The following FRMD5 variants were observed in gnomAD, a reference collection of about 807,000 sequenced individuals.
The protein encoded by FRMD5 is FERM domain-containing protein 5.
Under a neutral mutation model 69.0 loss-of-function variants are expected in FRMD5, and 20 were observed. The ratio of observed to expected loss-of-function variants is 0.29; its 90% CI spans 0.20 to 0.42. FRMD5 has a LOEUF of 0.42. Ranked by LOEUF, FRMD5 falls within the 10% of genes least tolerant of loss-of-function variation. FRMD5 has a pLI of 1.00. For synonymous variants in FRMD5, 271 were observed against 260.1 expected (o/e 1.04, Z -0.40); for missense variants, 595 against 708.6 (o/e 0.84, Z 1.82).
At chr15:43,951,291 G>T (rs771658177) in intron 1 of FRMD5, among the ~76,000 whole-genome samples, 1 of 151,872 alleles carries the variant, frequency 6.6e-6, no homozygotes, top group South Asian at 2.1e-4. Flanking sequence ...GCATGGTGGC[G>T]GGCACCTGTA....
intron 1 of FRMD5, among the ~76,000 whole-genome samples, chr15:43,953,798 T>A (rs1482802532): frequency 6.6e-6 from 1 of 152,250 alleles, no homozygotes; most frequent in African/African-American, 2.4e-5. Context: ...GTTAAGACTC[T>A]AGTAATAAAA....
chr15:43,980,627 G>C (rs2090533686), intron 1 of FRMD5, among the ~76,000 whole-genome samples: 1 of 152,110 alleles, frequency 6.6e-6, no homozygotes, highest in East Asian at 1.9e-4. Context: ...TCAATTGAAA[G>C]ATATGAAACT....
chr15:44,134,550 G>C (rs2077153672), intron 1 of FRMD5, among the ~76,000 whole-genome samples: 1 of 152,154 alleles, frequency 6.6e-6, no homozygotes, highest in South Asian at 2.1e-4. Flanking sequence ...CCAGGCTCAA[G>C]AGATTCTCCT....
chr15:44,029,646 G>A (rs1891592784), intron 1 of FRMD5, among the ~76,000 whole-genome samples: 1 of 152,150 alleles, frequency 6.6e-6, no homozygotes, highest in Admixed American at 6.5e-5. Flanking sequence ...AAAACACAAG[G>A]CTATATAGGA....
At chr15:43,921,492 G>T in intron 2 of FRMD5, among the ~76,000 whole-genome samples, 1 of 152,186 alleles carries the variant, frequency 6.6e-6, no homozygotes, top group East Asian at 1.9e-4. Context: ...ATAGTAGCAA[G>T]GGGTGAGAAG....
intron 13 of FRMD5, chr15:43,875,814 T>G (rs893304444): frequency 3.0e-5 from 11 of 372,056 alleles, no homozygotes; most frequent in Middle Eastern, 6.4e-4. Flanking sequence ...GTTTTTTTTT[T>G]TTTTTTTTTT....
chr15:43,989,289 T>C (rs949693381), intron 1 of FRMD5: 3 of 785,298 alleles, frequency 3.8e-6, no homozygotes, highest in Non-Finnish European at 4.7e-6. Flanking sequence ...TGCCGCCAGA[T>C]AGCACTGTGT....
At chr15:44,186,366 T>C (rs1405766282) in intron 1 of FRMD5, among the ~76,000 whole-genome samples, 1 of 152,184 alleles carries the variant, frequency 6.6e-6, no homozygotes, top group African/African-American at 2.4e-5. Context: ...ATCCTCAAAA[T>C]TAGACTGAGG....
chr15:44,085,701 C>T lies in FRMD5; in HGVS notation c.102+109252G>A, dbSNP rs182065948. Among the ~76,000 whole-genome samples, 150 of 152,248 alleles carry T rather than the reference C, an allele frequency of 9.9e-4. 1 individual carries two copies. Among genetic ancestry groups the T allele is most frequent in the African/African-American group, 2.7e-3 (114 of 41,526 alleles). ...TTAATTTTGCATTTTAGAAAAATTA[C>T]TCTACCAGCAGTATGGCTAATGAAT... On this transcript the variant is annotated intron_variant, in intron 1 of 13. Transcript: ENST00000417257.
intron 1 of FRMD5, among the ~76,000 whole-genome samples, chr15:44,177,505 C>A (rs984514419): frequency 3.3e-5 from 5 of 151,970 alleles, no homozygotes; most frequent in Non-Finnish European, 7.4e-5. Context: ...CTAGAATAGG[C>A]AAATCTGGAG....
At chr15:43,971,680 T>C (rs944989899) in intron 1 of FRMD5, among the ~76,000 whole-genome samples, 2 of 151,836 alleles carry the variant, frequency 1.3e-5, no homozygotes, top group African/African-American at 2.4e-5. Context: ...TGACATTATA[T>C]GCATAATTTT....
chr15:43,977,703 A>G (rs545761502), intron 1 of FRMD5, among the ~76,000 whole-genome samples: 1 of 152,330 alleles, frequency 6.6e-6, no homozygotes, highest in African/African-American at 2.4e-5. Context: ...GGCGTTCTGC[A>G]ATTTTTCTGT....
At chr15:43,952,219 C>T (rs940605724) in intron 1 of FRMD5, among the ~76,000 whole-genome samples, 7 of 152,228 alleles carry the variant, frequency 4.6e-5, no homozygotes, top group African/African-American at 1.7e-4. Context: ...CCCACATAAG[C>T]AAATGCTGCA....
At chr15:44,163,733 G>C (rs2077660647) in intron 1 of FRMD5, among the ~76,000 whole-genome samples, 1 of 152,184 alleles carries the variant, frequency 6.6e-6, no homozygotes, top group Non-Finnish European at 1.5e-5. Flanking sequence ...GGAATAAAGT[G>C]AACGTCTAAT....
chr15:44,124,792 G>C (rs1371664285), intron 1 of FRMD5, among the ~76,000 whole-genome samples: 1 of 152,122 alleles, frequency 6.6e-6, no homozygotes, highest in African/African-American at 2.4e-5. Flanking sequence ...CCCTCAGAAA[G>C]AGAACGGTTA....
At chr15:44,157,275 T>A (rs975132846) in intron 1 of FRMD5, among the ~76,000 whole-genome samples, 13 of 152,200 alleles carry the variant, frequency 8.5e-5, no homozygotes, top group Non-Finnish European at 1.6e-4. Context: ...TCAAAAATTT[T>A]ATCCAATGTC....
At chr15:43,884,895 G>A (rs2088626615) in intron 11 of FRMD5, 100 bp from the exon 12 acceptor site, 2 of 1,009,620 alleles carry the variant, frequency 2.0e-6, no homozygotes, top group South Asian at 2.8e-5. Flanking sequence ...TCAGGAAATG[G>A]CATCTGTGGC....
intron 1 of FRMD5, among the ~76,000 whole-genome samples, chr15:44,000,766 C>A (rs577442876): frequency 1.8e-4 from 27 of 152,134 alleles, no homozygotes; most frequent in African/African-American, 6.5e-4. Context: ...TGTGGTAGTT[C>A]TATTTTAAAA....
intron 1 of FRMD5, among the ~76,000 whole-genome samples, chr15:44,036,623 T>C (rs1257486556): frequency 6.6e-6 from 1 of 152,252 alleles, no homozygotes; most frequent in Non-Finnish European, 1.5e-5. Flanking sequence ...AAATCGTATG[T>C]GTCAAGCACT....
Sources: gnomAD v4.1 joint callset for allele counts (sites outside exome capture counted in the v4.1 genomes callset) on GRCh38, gnomAD v4.1.1 for gene constraint, MANE v1.5 for transcripts, NCBI Gene and HGNC (gene_info 2026-07-23, HGNC 2026-07-21) for gene names.